Variants in GOLGA5 observed in about 807,000 individuals in gnomAD.
GOLGA5 encodes golgin subfamily A member 5.
Under a neutral mutation model 93.5 loss-of-function variants are expected in GOLGA5, and 50 were observed. That is an observed-to-expected ratio of 0.53 (90% confidence interval 0.43 to 0.68). GOLGA5 has a LOEUF of 0.68. GOLGA5 is among the 30% of genes least tolerant of loss of function. GOLGA5 has a pLI of 0.00. For synonymous variants in GOLGA5, 312 were observed against 304.5 expected, an observed-to-expected ratio of 1.02 and a Z score of -0.26; for missense variants, 760 against 856.4, an observed-to-expected ratio of 0.89 and a Z score of 1.40.
chr14:92,802,574 A>G (rs936383871), intron 2 of GOLGA5, among the ~76,000 whole-genome samples: 22 of 152,076 alleles, frequency 1.4e-4, no homozygotes, highest in African/African-American at 4.8e-4. Context: ...ATGATTTTAC[A>G]TTAGGTTTTT....
chr14:92,832,941 A>T (rs1414438153), intron 9 of GOLGA5, among the ~76,000 whole-genome samples, 181 bp from the exon 10 acceptor site: 1 of 152,162 alleles, frequency 6.6e-6, no homozygotes, highest in Non-Finnish European at 1.5e-5. Flanking sequence ...GCTGATTTTG[A>T]CCCACCAAAT....
intron 8 of GOLGA5, among the ~76,000 whole-genome samples, chr14:92,820,423 A>G (rs1371855402): frequency 1.3e-5 from 2 of 152,232 alleles, no homozygotes; most frequent in Non-Finnish European, 2.9e-5. Context: ...CTCCTATCTC[A>G]GAATAGAACA....
intron 3 of GOLGA5, 127 bp from the exon 4 acceptor site, chr14:92,809,173 A>G (rs1257289647): frequency 8.0e-6 from 5 of 628,442 alleles, no homozygotes; most frequent in Non-Finnish European, 1.1e-5. Flanking sequence ...AAGAAAATTG[A>G]AGACGTGTAA....
At chr14:92,825,964 G>A (rs115469861) in intron 9 of GOLGA5, among the ~76,000 whole-genome samples, 10,060 of 151,842 alleles carry the variant, frequency 0.066, 399 homozygotes, top group Middle Eastern at 0.12. Flanking sequence ...AGATCAGCCT[G>A]GGCAACATAG....
chr14:92,806,003 G>A (rs1160971417), intron 2 of GOLGA5, among the ~76,000 whole-genome samples: 1 of 134,456 alleles, frequency 7.4e-6, no homozygotes, highest in Non-Finnish European at 1.6e-5. Context: ...AAAAAACCTT[G>A]TAGTGACCTG....
At position 92,819,460 on chromosome 14, in the gene GOLGA5, C is replaced by T. The variant is rs115392461; in HGVS notation, c.1492-248C>T. ...CCTGTGCAATAAAGCCATATCCCAT[C>T]TCTTAAAAAAAAAAAAAAAAACTTA... On this transcript the variant is annotated intron_variant, in intron 7 of 12. Coordinates refer to ENST00000163416, the MANE Select transcript of GOLGA5 (RefSeq NM_005113.4). Among the ~76,000 whole-genome samples, 553 of 148,276 alleles carry T rather than the reference C, an allele frequency of 3.7e-3. 3 individuals are homozygous for T. Among genetic ancestry groups the T allele is most frequent in the Middle Eastern group, 0.014 (4 of 288 alleles).
chr14:92,826,004 T>C (rs2140330801), intron 9 of GOLGA5, among the ~76,000 whole-genome samples: 1 of 151,672 alleles, frequency 6.6e-6, no homozygotes, highest in Middle Eastern at 3.4e-3. Context: ...AAAATATTTT[T>C]AATTAGGTGC....
At chr14:92,796,697 G>C (rs946709642) in intron 1 of GOLGA5, among the ~76,000 whole-genome samples, 2 of 151,180 alleles carry the variant, frequency 1.3e-5, no homozygotes, top group Admixed American at 1.3e-4. Flanking sequence ...CCGGCCGGGC[G>C]CGGTGGCTCA....
At chr14:92,795,041 T>G (rs1437329039) in intron 1 of GOLGA5, among the ~76,000 whole-genome samples, 1 of 152,128 alleles carries the variant, frequency 6.6e-6, no homozygotes, top group African/African-American at 2.4e-5. Context: ...TGGTATGTTT[T>G]AAAGCCCAAT....
chr14:92,800,403 C>CT (rs1045377594), intron 2 of GOLGA5, among the ~76,000 whole-genome samples: 6 of 152,098 alleles, frequency 3.9e-5, no homozygotes, highest in Admixed American at 2.6e-4. Flanking sequence ...AGAACAGACT[C>CT]TAAGAGGCTA....
In GOLGA5 at chr14:92,835,082, C is replaced by T. The variant is rs370654269; in HGVS notation, c.1946-477C>T. Among the ~76,000 whole-genome samples the T allele has an allele frequency of 5.6e-4, 86 of 152,240 alleles. 3 individuals carry two copies. In the South Asian group the frequency reaches 0.017, roughly 29 times the overall value. On this transcript the variant is annotated intron_variant, in intron 10 of 12. Transcript: ENST00000163416. ...AATGGCAGCTGAGGCAGGTTGACAG[C>T]GAGGACAAGAACTCTGAATTGTAGT... is the stretch of plus-strand genomic sequence containing the variant.
intron 11 of GOLGA5, among the ~76,000 whole-genome samples, chr14:92,836,363 A>G (rs1199342131): frequency 6.6e-6 from 1 of 152,188 alleles, no homozygotes; most frequent in African/African-American, 2.4e-5. Flanking sequence ...AGAATGATAT[A>G]CCAAGATGAC....
intron 6 of GOLGA5, among the ~76,000 whole-genome samples, chr14:92,813,405 C>G (rs796287722): frequency 9.2e-5 from 14 of 152,202 alleles, no homozygotes; most frequent in African/African-American, 3.4e-4. Context: ...TTAAAACTTG[C>G]CTGAGGCTGT....
chr14:92,830,072 A>G (rs1292143929), intron 9 of GOLGA5, among the ~76,000 whole-genome samples: 2 of 152,186 alleles, frequency 1.3e-5, no homozygotes, highest in Non-Finnish European at 2.9e-5. Flanking sequence ...TAAGCCCACC[A>G]CTTTGGGAGG....
At chr14:92,816,111 GGGA>G (rs1385373611) in intron 6 of GOLGA5, 137 bp from the exon 7 acceptor site, 1 of 613,736 alleles carries the variant, frequency 1.6e-6, no homozygotes, top group Non-Finnish European at 2.9e-6. Flanking sequence ...TTTATCCTTA[GGGA>G]TTTAAGAAAA....
intron 2 of GOLGA5, among the ~76,000 whole-genome samples, chr14:92,803,661 T>C (rs1382940757): frequency 6.6e-6 from 1 of 152,204 alleles, no homozygotes; most frequent in East Asian, 1.9e-4. Flanking sequence ...GTTATACTTA[T>C]TTAATTTCAG....
intron 11 of GOLGA5, 64 bp from the exon 12 acceptor site, chr14:92,837,322 A>G (rs1026859217): frequency 2.3e-5 from 18 of 788,496 alleles, no homozygotes; most frequent in Non-Finnish European, 3.5e-5. Flanking sequence ...ATATTACCAC[A>G]GGAAGATTTG....
chr14:92,815,035 A>G (rs1191527636), intron 6 of GOLGA5, among the ~76,000 whole-genome samples: 1 of 152,220 alleles, frequency 6.6e-6, no homozygotes, highest in Non-Finnish European at 1.5e-5. Flanking sequence ...CTGCCAGGTT[A>G]GCCTCCTAAA....
At chr14:92,798,065 T>G in intron 2 of GOLGA5, 84 bp downstream of exon 2, 1 of 902,548 alleles carries the variant, frequency 1.1e-6, no homozygotes, top group Non-Finnish European at 1.7e-6. Context: ...TCTCATCTAC[T>G]GTTATGGAAT....
Sources: allele counts gnomAD v4.1 joint callset (sites outside exome capture counted in the v4.1 genomes callset), GRCh38; gene constraint gnomAD v4.1.1; transcripts MANE v1.5; gene names NCBI Gene and HGNC (gene_info 2026-07-23, HGNC 2026-07-21).